The following UGT1A6 variants were observed in gnomAD, a reference collection of about 807,000 sequenced individuals.
The protein encoded by UGT1A6 is UDP glucuronosyltransferase family 1 member A6, also known as UDP-glucuronosyltransferase 1A6.
In UGT1A6, 32 loss-of-function variants were observed where a neutral mutation model predicts 44.4. That is an observed-to-expected ratio of 0.72 (90% CI 0.54 to 0.97). The LOEUF is 0.97. Ranked by LOEUF, UGT1A6 falls within the 50% of genes least tolerant of loss-of-function variation. The pLI, the probability that UGT1A6 is intolerant of heterozygous loss-of-function variation, is 0.00. For missense variants in UGT1A6, 685 were observed against 661.9 expected (o/e 1.03, Z -0.38); for synonymous variants, 238 against 248.5 (o/e 0.96, Z 0.40).
chr2:233,699,856 T>A (rs904359960), intron 1 of UGT1A6, among the ~76,000 whole-genome samples: 1 of 152,216 alleles, frequency 6.6e-6, no homozygotes, highest in South Asian at 2.1e-4. Flanking sequence ...AGGACAGATA[T>A]GTCTGAAGAC....
Position 233,769,407 on chromosome 2 carries a change from G to C in UGT1A6, c.1301+968G>C. The C allele has an allele frequency of 7.8e-7, 1 of 1,286,632 alleles. No individual in the cohort carries two copies. The highest frequency in any genetic ancestry group is 1.1e-6 in the Non-Finnish European group (1 of 907,224). The allele number at this position is 1,286,632 out of a possible 1,614,324, so 79.7% of individuals were successfully genotyped here. ...ATAGATACTGTGTGCATATGTGCGT[G>C]TGCGTTTGTGCATGTGGCTGTGCTC... On this transcript the variant is annotated intron_variant, in intron 4 of 4. Transcript: ENST00000305139. The surrounding 1 kb of genome is among the most constrained non-coding windows in gnomAD (Gnocchi z 4.4).
At chr2:233,691,991 T>C (rs573865002), upstream of UGT1A6, 20 of 152,334 alleles carry the variant, frequency 1.3e-4, no homozygotes, top group Admixed American at 1.2e-3. Flanking sequence ...TAAGTTTATG[T>C]AAAGGAGATG....
At chr2:233,721,208 T>A (rs1235207261) in intron 1 of UGT1A6, among the ~76,000 whole-genome samples, 1 of 152,250 alleles carries the variant, frequency 6.6e-6, no homozygotes, top group Non-Finnish European at 1.5e-5. Context: ...ACTGGTTTTC[T>A]TTTCCCCTTA....
At chr2:233,767,390 G>C (rs946979684) in intron 2 of UGT1A6, among the ~76,000 whole-genome samples, 5 of 152,078 alleles carry the variant, frequency 3.3e-5, no homozygotes, top group Admixed American at 2.6e-4. Context: ...ACACTCAGAA[G>C]TATCATTTTC....
chr2:233,724,704 C>G (rs867669613), intron 1 of UGT1A6, among the ~76,000 whole-genome samples: 3 of 144,994 alleles, frequency 2.1e-5, no homozygotes, highest in Non-Finnish European at 3.0e-5. Flanking sequence ...AGACGCTCCT[C>G]GCTTTCCAGA....
At chr2:233,699,643 C>A (rs953035668) in intron 1 of UGT1A6, among the ~76,000 whole-genome samples, 1 of 152,182 alleles carries the variant, frequency 6.6e-6, no homozygotes, top group African/African-American at 2.4e-5. Context: ...TAGAGCCTAG[C>A]TAGGCCTGAA....
intron 1 of UGT1A6, among the ~76,000 whole-genome samples, chr2:233,731,455 G>A (rs1469328234): frequency 6.6e-6 from 1 of 152,026 alleles, no homozygotes; most frequent in Non-Finnish European, 1.5e-5. Context: ...CCCACAACAG[G>A]CCCTGGCGTG....
Position 233,772,748 on chromosome 2 carries a change from T to C in UGT1A6, c.*189T>C. 7.0e-7 allele frequency: 1 copy of C among 1,420,206 alleles called. No individual in the cohort carries two copies. The highest frequency in any genetic ancestry group is 9.2e-7 in the Non-Finnish European group (1 of 1,083,550). The allele number at this position is 1,420,206 out of a possible 1,614,324, so 88.0% of individuals were successfully genotyped here. A position where few individuals can be genotyped will look rare whatever the true frequency, so the allele number is the denominator to read the frequency against. ...AGACTCGCTAGTCAGTAAAGATATT[T>C]GAATATGTATCGTGCCCCCTCTGGT... On this transcript the variant is annotated 3_prime_UTR_variant, in exon 5 of 5. Transcript: ENST00000305139.
intron 1 of UGT1A6, chr2:233,743,951 A>G (rs1692602468): frequency 1.4e-5 from 19 of 1,344,342 alleles, no homozygotes; most frequent in Non-Finnish European, 1.9e-5. Context: ...AGGCACTGGC[A>G]CAGCGAGCGG....
intron 1 of UGT1A6, chr2:233,760,455 A>T (rs2125984333): frequency 6.2e-7 from 1 of 1,614,200 alleles, no homozygotes; most frequent in Non-Finnish European, 8.5e-7. Context: ...GGGGACATGA[A>T]ATAGTTGTCC....
At chr2:233,709,423 C>G (rs937009532) in intron 1 of UGT1A6, among the ~76,000 whole-genome samples, 2 of 152,056 alleles carry the variant, frequency 1.3e-5, no homozygotes, top group African/African-American at 4.8e-5. Context: ...TAAGAATGTC[C>G]TCCAGAAAGG....
intron 1 of UGT1A6, chr2:233,729,881 C>T (rs1164878821): frequency 1.9e-6 from 3 of 1,613,778 alleles, no homozygotes; most frequent in Admixed American, 3.3e-5. Flanking sequence ...CTCAGTCATG[C>T]ATCTGTGTGG....
chr2:233,772,189 A>G, intron 4 of UGT1A6, 73 bp from the exon 5 acceptor site: 1 of 1,597,464 alleles, frequency 6.3e-7, no homozygotes, highest in Non-Finnish European at 8.5e-7. Context: ...CTTCTTAAGC[A>G]GCCATGAGCA....
upstream of UGT1A6, chr2:233,692,815 A>T: frequency 7.0e-7 from 1 of 1,427,232 alleles, no homozygotes; most frequent in East Asian, 2.6e-5. Context: ...GTTGGTTCAT[A>T]TTAACCATGT....
At chr2:233,760,185 T>G in intron 1 of UGT1A6, 4 of 1,555,156 alleles carry the variant, frequency 2.6e-6, no homozygotes, top group Non-Finnish European at 3.5e-6. Context: ...CTTTTTATAG[T>G]CACGTGACAC....
At chr2:233,760,261 C>T (rs2125981397) in intron 1 of UGT1A6, 4 of 1,611,118 alleles carry the variant, frequency 2.5e-6, no homozygotes, top group South Asian at 1.1e-5. Flanking sequence ...TAGGAGAGGG[C>T]GAACCTCTGG....
intron 1 of UGT1A6, chr2:233,760,576 CATA>C: frequency 6.2e-7 from 1 of 1,614,196 alleles, no homozygotes; most frequent in Non-Finnish European, 8.5e-7. Flanking sequence ...TAGTCTCGGG[CATA>C]ATGTTTTTGA....
intron 1 of UGT1A6, among the ~76,000 whole-genome samples, chr2:233,752,861 G>T (rs1247616817): frequency 2.0e-5 from 3 of 152,178 alleles, no homozygotes; most frequent in Non-Finnish European, 2.9e-5. Context: ...TGAACTTTGT[G>T]TTAGCTTTCA....
rs887728355 is a variant in UGT1A6, at chr2:233,693,139, A to T, written c.135A>T (p.Ile45=). 1 of 1,614,190 alleles carries T rather than the reference A, an allele frequency of 6.2e-7. No homozygotes were observed. The highest frequency in any genetic ancestry group is 1.3e-5 in the African/African-American group (1 of 75,048). The change falls in exon 1 of 5, where the codon ATA becomes ATT. Residue 45 remains isoleucine (I), a synonymous_variant. Transcript: ENST00000305139. ...GCCACTGGCTTAGTATGAAGGATAT[A>T]GTTGAGGTTCTCAGTGACCGGGGTC... ...DGSHWLSMKD[I]VEVLSDRGHE... is the part of the protein sequence containing the mutation.
Sources: allele counts gnomAD v4.1 joint callset (sites outside exome capture counted in the v4.1 genomes callset), GRCh38; gene constraint gnomAD v4.1.1; non-coding constraint Gnocchi (gnomAD v3.1); transcripts MANE v1.5; gene names NCBI Gene and HGNC (gene_info 2026-07-23, HGNC 2026-07-21).